The following STEAP1B variants were observed in gnomAD, a reference collection of about 807,000 sequenced individuals.
STEAP1B encodes STEAP family protein MGC87042.
In STEAP1B, 13 loss-of-function variants were observed where a neutral mutation model predicts 27.9. The ratio of observed to expected loss-of-function variants is 0.47; its 90% confidence interval spans 0.30 to 0.74. The LOEUF (loss-of-function observed/expected upper bound fraction) is 0.74. STEAP1B is among the 30% of genes least tolerant of loss of function. The pLI is 0.06. For synonymous variants in STEAP1B, 86 were observed against 107.1 expected (o/e 0.80, Z 1.22); for missense variants, 250 against 298.7 (o/e 0.84, Z 1.20).
At chr7:22,428,213 C>T (rs770770143) in intron 4 of STEAP1B, among the ~76,000 whole-genome samples, 1 of 152,202 alleles carries the variant, frequency 6.6e-6, no homozygotes, top group Non-Finnish European at 1.5e-5. Flanking sequence ...ATGGGTGCTT[C>T]TGTCCTGGGG....
intron 4 of STEAP1B, among the ~76,000 whole-genome samples, chr7:22,455,630 T>C (rs1583639708): frequency 6.6e-6 from 1 of 152,224 alleles, no homozygotes; most frequent in East Asian, 1.9e-4. Context: ...ATCAGATGCA[T>C]ATATTGCAAA....
intron 4 of STEAP1B, among the ~76,000 whole-genome samples, chr7:22,475,833 G>A (rs965598761): frequency 1.3e-5 from 2 of 152,220 alleles, no homozygotes; most frequent in Admixed American, 1.3e-4. Context: ...ATCAAATCAA[G>A]GTTGCCAGGT....
At chr7:22,478,124 T>C (rs959532110) in intron 4 of STEAP1B, among the ~76,000 whole-genome samples, 3 of 152,208 alleles carry the variant, frequency 2.0e-5, no homozygotes, top group African/African-American at 7.2e-5. Context: ...GACAGGTCCC[T>C]GCTGAGGCAC....
chr7:22,456,579 A>T (rs1373497371), intron 4 of STEAP1B, among the ~76,000 whole-genome samples: 1 of 152,200 alleles, frequency 6.6e-6, no homozygotes, highest in African/African-American at 2.4e-5. Context: ...GAGTTGAGAC[A>T]CAAACGGAAT....
chr7:22,435,631 T>C (rs749896831), intron 4 of STEAP1B, among the ~76,000 whole-genome samples: 2 of 152,168 alleles, frequency 1.3e-5, no homozygotes, highest in Non-Finnish European at 2.9e-5. Context: ...ACCAAATGCA[T>C]ACACATAAAA....
chr7:22,454,087 C>G (rs1357917079), intron 4 of STEAP1B, among the ~76,000 whole-genome samples: 2 of 152,052 alleles, frequency 1.3e-5, no homozygotes, highest in African/African-American at 4.8e-5. Context: ...TATGTAATAA[C>G]TTGAATAGGA....
intron 4 of STEAP1B, among the ~76,000 whole-genome samples, chr7:22,439,951 CAGTAATCTGATTTTAGA>C (rs34985781): frequency 0.47 from 71,564 of 151,504 alleles, 17,061 homozygotes; most frequent in East Asian, 0.61. Flanking sequence ...TGTTGCTCAT[CAGTAATCTGATTTTAGA>C]AACATTTGAG....
chr7:22,473,444 A>G (rs1435980330), intron 4 of STEAP1B, among the ~76,000 whole-genome samples: 1 of 152,212 alleles, frequency 6.6e-6, no homozygotes, highest in Non-Finnish European at 1.5e-5. Context: ...ATTTTGATTT[A>G]ATGTGTCAGC....
intron 4 of STEAP1B, among the ~76,000 whole-genome samples, chr7:22,473,011 G>A (rs1341763202): frequency 6.6e-6 from 1 of 152,170 alleles, no homozygotes; most frequent in Non-Finnish European, 1.5e-5. Flanking sequence ...GCCTAGTGCT[G>A]CTGTCTTTGA....
chr7:22,419,742 C>A lies in STEAP1B; in HGVS notation c.*62G>T, dbSNP rs1337360998. ...GGCACTGGGTGGTGTTCTGCATGAG[C>A]AATCCAATGCTGTGCTCCAAAGCCT... On this transcript the variant is annotated 3_prime_UTR_variant, in exon 5 of 5. Transcript: ENST00000678116. 7 of 1,521,550 alleles carry A rather than the reference C, an allele frequency of 4.6e-6. No homozygotes were observed. The highest frequency in any genetic ancestry group is 6.2e-6 in the Non-Finnish European group (7 of 1,130,046). 94.3% of individuals were successfully genotyped at this position (1,521,550 alleles called of 1,614,324 possible).
At chr7:22,424,833 A>G (rs2128398564) in intron 4 of STEAP1B, among the ~76,000 whole-genome samples, 1 of 152,222 alleles carries the variant, frequency 6.6e-6, no homozygotes, top group Non-Finnish European at 1.5e-5. Flanking sequence ...ATAATATGGG[A>G]AAATACTTGA....
At chr7:22,433,626 G>A (rs1168236500) in intron 4 of STEAP1B, among the ~76,000 whole-genome samples, 1 of 152,218 alleles carries the variant, frequency 6.6e-6, no homozygotes, top group East Asian at 1.9e-4. Flanking sequence ...CCACATAGGA[G>A]AACTTCTATT....
At chr7:22,474,166 A>G (rs1358923754) in intron 4 of STEAP1B, among the ~76,000 whole-genome samples, 1 of 152,208 alleles carries the variant, frequency 6.6e-6, no homozygotes, top group Non-Finnish European at 1.5e-5. Context: ...TTCATTGTAT[A>G]TATGAATACC....
chr7:22,468,281 T>C (rs182134881), intron 4 of STEAP1B, among the ~76,000 whole-genome samples: 40 of 152,274 alleles, frequency 2.6e-4, no homozygotes, highest in African/African-American at 9.4e-4. Flanking sequence ...ACATATTGAT[T>C]CATTTAACCC....
At chr7:22,422,929 G>A (rs1206128032) in intron 4 of STEAP1B, among the ~76,000 whole-genome samples, 2 of 152,100 alleles carry the variant, frequency 1.3e-5, no homozygotes, top group African/African-American at 2.4e-5. Flanking sequence ...AAAGCCTTAC[G>A]GTGAAGGGTG....
rs1334876299 is a variant in STEAP1B, at chr7:22,498,226, G to A, written c.-32+1888C>T. Among the ~76,000 whole-genome samples, 2 of 151,554 alleles carry A rather than the reference G, an allele frequency of 1.3e-5. 1 individual carries two copies. The highest frequency in any genetic ancestry group is 4.2e-4 in the South Asian group (2 of 4,818). On this transcript the variant is annotated intron_variant, in intron 1 of 4. Transcript: ENST00000678116. ...GGGGGTTGGGGACCCCTGCACTAAC[G>A]TGACAACAGCACCAAGGGGGGATGG...
At chr7:22,446,404 T>C (rs1049260914) in intron 4 of STEAP1B, among the ~76,000 whole-genome samples, 5 of 152,196 alleles carry the variant, frequency 3.3e-5, no homozygotes, top group African/African-American at 1.2e-4. Flanking sequence ...CACAGGAAAT[T>C]TGTTAGAAAT....
At chr7:22,460,411 C>T (rs1294648958) in intron 4 of STEAP1B, among the ~76,000 whole-genome samples, 1 of 151,190 alleles carries the variant, frequency 6.6e-6, no homozygotes, top group Non-Finnish European at 1.5e-5. Flanking sequence ...CAAGGAAGGA[C>T]AAATTTGAAA....
Position 22,493,728 on chromosome 7 carries a change from G to T in STEAP1B, c.193C>A (p.Gln65Lys), listed in dbSNP as rs757367174. 6.2e-7 allele frequency: 1 copy of T among 1,613,864 alleles called. No individual in the cohort carries two copies. Among genetic ancestry groups the T allele is most frequent in the African/African-American group, 1.3e-5 (1 of 74,920 alleles). ...AAGTGCCACTGTGGAAAGAGTTCCT[G>T]TGCGTGCTGAAGTTCTGAAGGGCAG... is the stretch of plus-strand genomic sequence containing the variant. Reference protein sequence around the residue: ...FDCPSELQHAQELFPQWHLPI... With the variant: ...FDCPSELQHAKELFPQWHLPI... Residue 65 changes from glutamine (Q) to lysine (K), a missense_variant, in exon 3 of 5, where the codon CAG (glutamine) becomes AAG (lysine). Physicochemically the swap from Gln to Lys is moderately conservative, Grantham distance 53. Transcript: ENST00000678116.
Sources: gnomAD v4.1 joint callset for allele counts (sites outside exome capture counted in the v4.1 genomes callset) on GRCh38, gnomAD v4.1.1 for gene constraint, MANE v1.5 for transcripts, NCBI Gene and HGNC (gene_info 2026-07-23, HGNC 2026-07-21) for gene names.